Variants in CYGB observed in about 807,000 individuals in gnomAD.
The protein encoded by CYGB is cytoglobin.
CYGB carries 13 observed loss-of-function variants against 20.7 expected under a neutral mutation model. The ratio of observed to expected loss-of-function variants is 0.63; its 90% CI spans 0.41 to 1.00. CYGB has a LOEUF of 1.00. Among genes scored for constraint, CYGB ranks in the 50% least tolerant of loss-of-function variants. The pLI is 0.00. For synonymous variants in CYGB, 93 were observed against 107.4 expected, an observed-to-expected ratio of 0.87 and a Z score of 0.83; for missense variants, 218 against 257.2, an observed-to-expected ratio of 0.85 and a Z score of 1.04.
At chr17:76,544,540 A>C (rs1181687142) in intron 1 of CYGB, 1 of 456,426 alleles carries the variant, frequency 2.2e-6, no homozygotes, top group Non-Finnish European at 4.4e-6. Context: ...AGGCAGGGGG[A>C]AAGTCACACT....
In CYGB at chr17:76,530,091, G is replaced by T. The variant is rs1373120450; in HGVS notation, c.539+888C>A. On this transcript the variant is annotated intron_variant, in intron 3 of 3. Coordinates refer to ENST00000293230, the MANE Select transcript of CYGB (RefSeq NM_134268.5). This position sits in a 1 kb window ranked among gnomAD's most constrained non-coding sequence, Gnocchi z 6.1. Reference sequence around the variant, plus strand: ...CGGCGGGAGACGCCGCCTTTTCCATGGGAAACTGCTGGGAATGTTTCTCTA... The same window carrying T: ...CGGCGGGAGACGCCGCCTTTTCCATTGGAAACTGCTGGGAATGTTTCTCTA... The T allele has an allele frequency of 2.0e-6, 2 of 981,636 alleles. No individual in the cohort carries two copies. Among genetic ancestry groups the T allele is most frequent in the East Asian group, 2.3e-4 (2 of 8,802 alleles). 60.8% of individuals were successfully genotyped at this position (981,636 alleles called of 1,614,324 possible). A position where few individuals can be genotyped will look rare whatever the true frequency, so the allele number is the denominator to read the frequency against.
chr17:76,549,665 A>G (rs895612818), intron 1 of CYGB, among the ~76,000 whole-genome samples: 1 of 152,268 alleles, frequency 6.6e-6, no homozygotes, highest in African/African-American at 2.4e-5. Context: ...CAAACTGGAA[A>G]CAACCCAAAT....
intron 1 of CYGB, among the ~76,000 whole-genome samples, chr17:76,534,929 C>T (rs1423556866): frequency 4.6e-5 from 7 of 152,350 alleles, no homozygotes; most frequent in South Asian, 4.1e-4. Context: ...GAGACCCTCC[C>T]GGTCTCAGCC....
At position 76,528,503 on chromosome 17, in the gene CYGB, G is replaced by A. The variant is rs1224427180; in HGVS notation, c.*75C>T. 9 of 1,200,082 alleles carry A rather than the reference G, an allele frequency of 7.5e-6. No homozygotes were observed. The highest frequency in any genetic ancestry group is 1.6e-5 in the African/African-American group (1 of 63,236). The allele number at this position is 1,200,082 out of a possible 1,614,324, so 74.3% of individuals were successfully genotyped here. A position where few individuals can be genotyped will look rare whatever the true frequency, so the allele number is the denominator to read the frequency against. On this transcript the variant is annotated 3_prime_UTR_variant, in exon 4 of 4. Transcript: ENST00000293230. This position sits in a 1 kb window ranked among gnomAD's most constrained non-coding sequence, Gnocchi z 5.8. ...CCAGCTTCCTTGGCACCCAGAAATG[G>A]AGCGTCAAGGAGGGTCTTCAGAACT... is the stretch of plus-strand genomic sequence containing the variant.
chr17:76,549,353 C>T (rs911095970), intron 1 of CYGB, among the ~76,000 whole-genome samples: 23 of 152,206 alleles, frequency 1.5e-4, no homozygotes, highest in Non-Finnish European at 1.0e-4. Context: ...TGCGGCTGGG[C>T]GCGGTGGCTC....
At position 76,530,866 on chromosome 17, in the gene CYGB, A is replaced by G. The variant is rs2143078781; in HGVS notation, c.539+113T>C. The stretch of plus-strand genomic sequence containing the variant: ...CAGACCCCAGGGTTGGCCTGCCTCA[A>G]GTGTGCCTGCCCAGGTGATCAGCCC... On this transcript the variant is annotated intron_variant, in intron 3 of 3. Transcript: ENST00000293230. The surrounding 1 kb of genome is among the most constrained non-coding windows in gnomAD (Gnocchi z 6.1). The G allele has an allele frequency of 4.0e-6, 5 of 1,264,766 alleles. No individual in the cohort carries two copies. The highest frequency in any genetic ancestry group is 2.8e-4 in the Middle Eastern group (1 of 3,552). The allele number at this position is 1,264,766 out of a possible 1,614,324, so 78.3% of individuals were successfully genotyped here.
At chr17:76,532,662 G>A (rs1275093050) in intron 1 of CYGB, among the ~76,000 whole-genome samples, 1 of 151,236 alleles carries the variant, frequency 6.6e-6, no homozygotes, top group Non-Finnish European at 1.5e-5. Flanking sequence ...TTCCTGAGTA[G>A]CTGGGACTAC....
intron 1 of CYGB, chr17:76,550,252 A>G (rs113772236): frequency 0.12 from 16,724 of 143,302 alleles, 2,713 homozygotes; most frequent in African/African-American, 0.37. Context: ...CACCGTGCCC[A>G]GCCTAGAAGG....
chr17:76,528,965 G>A lies in CYGB; in HGVS notation c.540-354C>T, dbSNP rs528734522. 9.0e-4 allele frequency: 944 copies of A among 1,045,766 alleles called. 2 individuals are homozygous for A. The highest frequency in any genetic ancestry group is 1.0e-3 in the Non-Finnish European group (889 of 869,848). The allele number at this position is 1,045,766 out of a possible 1,614,324, so 64.8% of individuals were successfully genotyped here. On this transcript the variant is annotated intron_variant, in intron 3 of 3. Transcript: ENST00000293230. The surrounding 1 kb of genome is among the most constrained non-coding windows in gnomAD (Gnocchi z 5.8). ...TTCTGAAACGTGGCGCATTCTGTCC[G>A]GCCTGTCTCGTCCCTCCTCGGGCCA... is the stretch of plus-strand genomic sequence containing the variant.
chr17:76,548,749 G>C (rs1175408295), intron 1 of CYGB, among the ~76,000 whole-genome samples: 1 of 152,252 alleles, frequency 6.6e-6, no homozygotes, highest in Non-Finnish European at 1.5e-5. Context: ...TGTGTCTGGA[G>C]TGCTGTGTGC....
chr17:76,530,015 G>T lies in CYGB; in HGVS notation c.539+964C>A. 1.0e-6 allele frequency: 1 copy of T among 985,424 alleles called. No homozygotes were observed. The highest frequency in any genetic ancestry group is 1.2e-6 in the Non-Finnish European group (1 of 829,928). 61.0% of individuals were successfully genotyped at this position (985,424 alleles called of 1,614,324 possible). The stretch of plus-strand genomic sequence containing the variant: ...TGCCCTCAGGGGACCTCCTCCAGGA[G>T]CTGTGCCTGTGAACAGAAGGGCCGG... On this transcript the variant is annotated intron_variant, in intron 3 of 3. Transcript: ENST00000293230. The surrounding 1 kb of genome is among the most constrained non-coding windows in gnomAD (Gnocchi z 6.1).
At chr17:76,539,048 C>G (rs2074956698), upstream of CYGB, among the ~76,000 whole-genome samples, 1 of 152,236 alleles carries the variant, frequency 6.6e-6, no homozygotes, top group South Asian at 2.1e-4. Flanking sequence ...CTGGGGGACC[C>G]TGAGGCAGTG....
chr17:76,539,136 G>A (rs1324798060), upstream of CYGB, among the ~76,000 whole-genome samples: 2 of 152,096 alleles, frequency 1.3e-5, no homozygotes, highest in African/African-American at 4.8e-5. Flanking sequence ...CTGGAGGGGA[G>A]CGGGTGGGTT....
intron 1 of CYGB, chr17:76,550,764 C>A (rs1219964121): frequency 6.6e-6 from 1 of 152,232 alleles, no homozygotes; most frequent in Non-Finnish European, 1.5e-5. Context: ...TGCTCACCAT[C>A]TAGCAGAAAA....
At chr17:76,540,257 G>GC (rs775037822), upstream of CYGB, 133 of 1,159,348 alleles carry the variant, frequency 1.1e-4, 3 homozygotes, top group South Asian at 9.3e-4. This position sits in a 1 kb window ranked among gnomAD's most constrained non-coding sequence, Gnocchi z 5.0. Context: ...TGGTCGGGGG[G>GC]GGGGGGCATG....
In CYGB at chr17:76,530,275, G is replaced by A. The variant is rs1048070423; in HGVS notation, c.539+704C>T. On this transcript the variant is annotated intron_variant, in intron 3 of 3. Transcript: ENST00000293230. This position sits in a 1 kb window ranked among gnomAD's most constrained non-coding sequence, Gnocchi z 6.1. ...CTCCCCTTGGGGGCCCAGGGAGGCC[G>A]AGTGTTCCCAACCGCCACATCTGGG... 2.6e-5 allele frequency among the ~76,000 whole-genome samples: 4 copies of A among 152,058 alleles called. No homozygotes were observed. The highest frequency in any genetic ancestry group is 3.9e-4 in the East Asian group (2 of 5,178).
rs1193201385 is a variant in CYGB, at chr17:76,546,375, T to G, written c.-53+4487A>C. The G allele has an allele frequency of 6.6e-6, 1 of 152,238 alleles. No homozygotes were observed. Among genetic ancestry groups the G allele is most frequent in the Non-Finnish European group, 1.5e-5 (1 of 68,164 alleles). 9.4% of individuals were successfully genotyped at this position (152,238 alleles called of 1,614,324 possible). A position where few individuals can be genotyped will look rare whatever the true frequency, so the allele number is the denominator to read the frequency against. On this transcript the variant is annotated intron_variant, in intron 1 of 3. Coordinates refer to the CYGB transcript ENST00000589145. The surrounding 1 kb of genome is among the most constrained non-coding windows in gnomAD (Gnocchi z 4.5). ...AGCCACTGCAGCTGTGGCTGTCCAC[T>G]GTCACCCTGGGGTGTAGATGTCACC...
At chr17:76,539,225 C>T (rs377474429), upstream of CYGB, among the ~76,000 whole-genome samples, 4 of 152,362 alleles carry the variant, frequency 2.6e-5, no homozygotes, top group South Asian at 2.1e-4. Flanking sequence ...CACTGAACAG[C>T]TTCTCAAAGT....
At chr17:76,540,721 C>T, upstream of CYGB, 1 of 788,534 alleles carries the variant, frequency 1.3e-6, no homozygotes, top group Non-Finnish European at 2.2e-6. This position sits in a 1 kb window ranked among gnomAD's most constrained non-coding sequence, Gnocchi z 5.0. Context: ...CCCTGTCCGC[C>T]TGCTGGGCAG....
Sources: allele counts gnomAD v4.1 joint callset (sites outside exome capture counted in the v4.1 genomes callset), GRCh38; gene constraint gnomAD v4.1.1; non-coding constraint Gnocchi (gnomAD v3.1); transcripts MANE v1.5; gene names NCBI Gene and HGNC (gene_info 2026-07-23, HGNC 2026-07-21).